PANK4: variants seen among roughly 807,000 people sequenced by gnomAD.
PANK4 encodes the protein 4'-phosphopantetheine phosphatase.
A neutral mutation model predicts 87.9 loss-of-function variants in PANK4; 40 were observed. The observed-to-expected ratio is 0.46, with a 90% CI of 0.35 to 0.59. The LOEUF is 0.59. Ranked by LOEUF, PANK4 falls within the 20% of genes least tolerant of loss-of-function variation. The pLI is 0.00. For synonymous variants in PANK4, 524 were observed against 467.4 expected (o/e 1.12, Z -1.56); for missense variants, 926 against 1,072.3 (o/e 0.86, Z 1.90).
chr1:2,518,076 C>A, intron 9 of PANK4, 88 bp downstream of exon 9: 1 of 757,552 alleles, frequency 1.3e-6, no homozygotes. Context: ...CCGGGACAGC[C>A]ACAAGAGGCT....
chr1:2,518,679 C>T, intron 7 of PANK4, 82 bp from the exon 8 acceptor site: 2 of 1,186,436 alleles, frequency 1.7e-6, no homozygotes, highest in Non-Finnish European at 1.2e-6. Flanking sequence ...CGTGCGCGGG[C>T]CTCGCACCGC....
Position 2,523,929 on chromosome 1 carries a change from G to A in PANK4, c.125-2129C>T, listed in dbSNP as rs551640357. On this transcript the variant is annotated intron_variant, in intron 1 of 18. Coordinates refer to ENST00000378466, the MANE Select transcript of PANK4 (RefSeq NM_018216.4). The stretch of plus-strand genomic sequence containing the variant: ...GGTGGGGGAAGGGGGCTTCCCAGAG[G>A]TTTGGTCACCTGTGCTCTTCACATC... Among the ~76,000 whole-genome samples, 111 of 152,342 alleles carry A rather than the reference G, an allele frequency of 7.3e-4. 1 individual carries two copies. The highest frequency in any genetic ancestry group is 2.6e-3 in the African/African-American group (107 of 41,584).
rs561279815 is a variant in PANK4, at chr1:2,520,105, G to A, written c.700-151C>T. 3.3e-5 allele frequency: 28 copies of A among 849,878 alleles called. No individual in the cohort carries two copies. In the South Asian group the frequency reaches 4.6e-4, roughly 14 times the overall value. 52.6% of individuals were successfully genotyped at this position (849,878 alleles called of 1,614,324 possible). On this transcript the variant is annotated intron_variant, in intron 5 of 18. Transcript: ENST00000378466. The surrounding 1 kb of genome is among the most constrained non-coding windows in gnomAD (Gnocchi z 6.2). Reference sequence around the variant, plus strand: ...ACCAAAGGCAGGAGGCGGCAAGCGGGACCCTCGGGCCACCCAGCCAGGATA... The same window carrying A: ...ACCAAAGGCAGGAGGCGGCAAGCGGAACCCTCGGGCCACCCAGCCAGGATA...
intron 1 of PANK4, among the ~76,000 whole-genome samples, chr1:2,525,099 C>T (rs1001521205): frequency 1.3e-5 from 2 of 152,106 alleles, no homozygotes; most frequent in Non-Finnish European, 2.9e-5. Context: ...CCATTCTCAT[C>T]GCCCCCCACT....
chr1:2,511,897 CA>C (rs1271996599), intron 13 of PANK4, among the ~76,000 whole-genome samples: 2 of 151,980 alleles, frequency 1.3e-5, no homozygotes, highest in Non-Finnish European at 2.9e-5. Flanking sequence ...GCTAAGACCC[CA>C]AATCCCTCCC....
rs1472001836 is a variant in PANK4 at position 2,509,839 on chromosome 1, A to G, written c.2108+23T>C. On this transcript the variant is annotated intron_variant, in intron 18 of 18. Coordinates refer to ENST00000378466, the MANE Select transcript of PANK4 (RefSeq NM_018216.4). The surrounding 1 kb of genome is among the most constrained non-coding windows in gnomAD (Gnocchi z 4.9). ...GGGCACAGAGCCCAGGAGGGAGAGA[A>G]CAGGTGCAGGGTGCGGGGTTACCTG... 6.2e-7 allele frequency: 1 copy of G among 1,604,514 alleles called. No individual in the cohort carries two copies.
chr1:2,522,675 T>C (rs541744567), intron 1 of PANK4, among the ~76,000 whole-genome samples: 15 of 103,028 alleles, frequency 1.5e-4, no homozygotes, highest in African/African-American at 5.1e-4. Flanking sequence ...AAATGTGACT[T>C]TGAGTGCATT....
In PANK4 at chr1:2,522,512, T is replaced by C. The variant is rs867274352; in HGVS notation, c.125-712A>G. 2.0e-5 allele frequency among the ~76,000 whole-genome samples: 3 copies of C among 152,152 alleles called. No homozygotes were observed. In the East Asian group the frequency reaches 5.8e-4, roughly 29 times the overall value. On this transcript the variant is annotated intron_variant, in intron 1 of 18. Coordinates refer to ENST00000378466, the MANE Select transcript of PANK4 (RefSeq NM_018216.4). Reference sequence around the variant, plus strand: ...GGAAATGGAAGGGGCTCTATGTACCTGAACCAGATTTCAGGGAAAAGTGAA... The same window carrying C: ...GGAAATGGAAGGGGCTCTATGTACCCGAACCAGATTTCAGGGAAAAGTGAA...
At chr1:2,525,920 C>T (rs1178305512) in intron 1 of PANK4, 1 of 152,246 alleles carries the variant, frequency 6.6e-6, no homozygotes, top group Non-Finnish European at 1.5e-5. Flanking sequence ...AGAGCGGGGC[C>T]TGTGCACGGA....
rs1286273405 is a variant in PANK4 at position 2,515,389 on chromosome 1, G to A, written c.1374+173C>T. ...TCACTGACCCACCAGGTGGCCAGGAGCGGTATTTTTGCCTGAGAAACCAAA... is the reference window on the plus strand; with the variant it reads ...TCACTGACCCACCAGGTGGCCAGGAACGGTATTTTTGCCTGAGAAACCAAA... On this transcript the variant is annotated intron_variant, in intron 10 of 18. Transcript: ENST00000378466. The surrounding 1 kb of genome is among the most constrained non-coding windows in gnomAD (Gnocchi z 5.0). 2.7e-6 allele frequency: 2 copies of A among 730,656 alleles called. No homozygotes were observed. The highest frequency in any genetic ancestry group is 4.9e-6 in the Non-Finnish European group (2 of 410,554). 45.3% of individuals were successfully genotyped at this position (730,656 alleles called of 1,614,324 possible).
rs530244037 is a variant in PANK4, at chr1:2,515,808, G to A, written c.1219-91C>T. ...GAAGCTTCCACTCTCTCTCTAAGAA[G>A]GGAGATGTACTGCCTTCTTCCGCCA... On this transcript the variant is annotated intron_variant, in intron 9 of 18. Coordinates refer to ENST00000378466, the MANE Select transcript of PANK4 (RefSeq NM_018216.4). The surrounding 1 kb of genome is among the most constrained non-coding windows in gnomAD (Gnocchi z 5.0). The A allele has an allele frequency of 6.6e-5, 85 of 1,279,392 alleles. No homozygotes were observed. In the African/African-American group the frequency reaches 8.5e-4, roughly 13 times the overall value. The allele number at this position is 1,279,392 out of a possible 1,614,324, so 79.3% of individuals were successfully genotyped here. A position where few individuals can be genotyped will look rare whatever the true frequency, so the allele number is the denominator to read the frequency against.
At chr1:2,522,051 G>A (rs1045855538) in intron 1 of PANK4, 3 of 537,980 alleles carry the variant, frequency 5.6e-6, no homozygotes, top group Non-Finnish European at 1.0e-5. Context: ...AAGAGGTCCC[G>A]CTTCCCCTTG....
Position 2,514,448 on chromosome 1 carries a change from C to T in PANK4, c.1393G>A (p.Ala465Thr), listed in dbSNP as rs1314882969. The T allele has an allele frequency of 2.5e-6, 4 of 1,610,836 alleles. No homozygotes were observed. The highest frequency in any genetic ancestry group is 3.4e-6 in the Non-Finnish European group (4 of 1,179,768). Reference protein sequence around the residue: ...ALDGVVKRAVASQPDSVDAAE... With the variant: ...ALDGVVKRAVTSQPDSVDAAE... Reference sequence around the variant, plus strand: ...GCATCCACAGAGTCTGGCTGGCTCGCCACTGCGCGCTTCACTACCTGCCAG... The same window carrying T: ...GCATCCACAGAGTCTGGCTGGCTCGTCACTGCGCGCTTCACTACCTGCCAG... Residue 465 changes from alanine (A) to threonine (T), a missense_variant, in exon 11 of 19, where the codon GCG (alanine) becomes ACG (threonine). By Grantham distance (58) the Ala-to-Thr change is moderately conservative (BLOSUM62 0). Transcript: ENST00000378466.
intron 9 of PANK4, among the ~76,000 whole-genome samples, chr1:2,516,550 C>G (rs2494600): frequency 1.3e-5 from 2 of 152,188 alleles, no homozygotes; most frequent in African/African-American, 4.8e-5. Flanking sequence ...TCCCACCCTC[C>G]GGTGGCTACC....
At position 2,514,429 on chromosome 1, in the gene PANK4, A is replaced by G. The variant is rs202185246; in HGVS notation, c.1412T>C (p.Val471Ala). 83 of 1,611,864 alleles carry G rather than the reference A, an allele frequency of 5.1e-5. No individual in the cohort carries two copies. The highest frequency in any genetic ancestry group is 6.9e-5 in the Non-Finnish European group (81 of 1,179,868). The change falls in exon 11 of 19, where the codon GTG becomes GCG. Residue 471 changes from valine (V) to alanine (A), a missense_variant. Coordinates refer to ENST00000378466, the MANE Select transcript of PANK4 (RefSeq NM_018216.4). ...KRAVASQPDS[V>A]DAAERAEKFR... ...CTTCTCCGCCCTCTCGGCTGCATCC[A>G]CAGAGTCTGGCTGGCTCGCCACTGC...
chr1:2,513,125 C>T (rs898457516), intron 12 of PANK4, 86 bp from the exon 13 acceptor site: 3 of 1,420,542 alleles, frequency 2.1e-6, no homozygotes, highest in Non-Finnish European at 2.9e-6. Flanking sequence ...CTGTTCCATA[C>T]CACGCCCCTC....
chr1:2,511,689 TGGA>T lies in PANK4; in HGVS notation c.1728-9_1728-7del, dbSNP rs756890608. Reference sequence around the variant, plus strand: ...AGGGGTCGGATTCAAGGACACTGCATGGAGGAGGAGAAAAGAAAATTAAGACAA... The same window carrying T: ...AGGGGTCGGATTCAAGGACACTGCATGGAGGAGAAAAGAAAATTAAGACAA... On this transcript the variant is annotated splice_polypyrimidine_tract_variant and splice_region_variant and intron_variant, in intron 13 of 18. Coordinates refer to ENST00000378466, the MANE Select transcript of PANK4 (RefSeq NM_018216.4). The T allele has an allele frequency of 1.5e-5, 24 of 1,588,882 alleles. No homozygotes were observed. Among genetic ancestry groups the T allele is most frequent in the African/African-American group, 4.0e-5 (3 of 74,406 alleles).
At position 2,520,506 on chromosome 1, in the gene PANK4, C is replaced by T; in HGVS notation, c.607-92G>A. On this transcript the variant is annotated intron_variant, in intron 4 of 18. Transcript: ENST00000378466. This position sits in a 1 kb window ranked among gnomAD's most constrained non-coding sequence, Gnocchi z 6.2. ...GCCCCATGTGCTGCGCTGGGGTGAA[C>T]CCCGCCCCCACCCCAACCGCCAGTG... 3.8e-6 allele frequency: 3 copies of T among 797,268 alleles called. No homozygotes were observed. Among genetic ancestry groups the T allele is most frequent in the Non-Finnish European group, 5.3e-6 (3 of 565,726 alleles). The allele number at this position is 797,268 out of a possible 1,614,324, so 49.4% of individuals were successfully genotyped here. A position where few individuals can be genotyped will look rare whatever the true frequency, so the allele number is the denominator to read the frequency against.
At position 2,510,215 on chromosome 1, in the gene PANK4, C is replaced by T. The variant is rs897234088; in HGVS notation, c.1939-58G>A. 2.7e-5 allele frequency: 31 copies of T among 1,130,100 alleles called. No homozygotes were observed. The highest frequency in any genetic ancestry group is 2.5e-4 in the Middle Eastern group (1 of 4,050). 70.0% of individuals were successfully genotyped at this position (1,130,100 alleles called of 1,614,324 possible). A position where few individuals can be genotyped will look rare whatever the true frequency, so the allele number is the denominator to read the frequency against. On this transcript the variant is annotated intron_variant, in intron 16 of 18. Coordinates refer to ENST00000378466, the MANE Select transcript of PANK4 (RefSeq NM_018216.4). The surrounding 1 kb of genome is among the most constrained non-coding windows in gnomAD (Gnocchi z 4.9). Reference sequence around the variant, plus strand: ...CTGTGCTGGCCCAGCATGGAGCCTGCGTGCACCCCGGCCTTCGAGTGGCTG... The same window carrying T: ...CTGTGCTGGCCCAGCATGGAGCCTGTGTGCACCCCGGCCTTCGAGTGGCTG...
Sources: allele counts gnomAD v4.1 joint callset (sites outside exome capture counted in the v4.1 genomes callset), GRCh38; gene constraint gnomAD v4.1.1; non-coding constraint Gnocchi (gnomAD v3.1); transcripts MANE v1.5; gene names NCBI Gene and HGNC (gene_info 2026-07-23, HGNC 2026-07-21).